CRMP1: variants seen among roughly 807,000 people sequenced by gnomAD.
The protein encoded by CRMP1 is collapsin response mediator protein 1, also known as dihydropyrimidinase-related protein 1.
Under a neutral mutation model 68.3 loss-of-function variants are expected in CRMP1, and 19 were observed. The ratio of observed to expected loss-of-function variants is 0.28; its 90% CI spans 0.19 to 0.41. The LOEUF (loss-of-function observed/expected upper bound fraction) is 0.41, where lower values mean the gene tolerates loss of function less well. CRMP1 is among the 10% of genes least tolerant of loss of function. The probability of loss-of-function intolerance (pLI) is 1.00; values close to 1 mark genes in which losing one functional copy is unlikely to be tolerated. For synonymous variants in CRMP1, 439 were observed against 399.6 expected (o/e 1.10, Z -1.18); for missense variants, 791 against 967.4 (o/e 0.82, Z 2.42).
Position 5,842,187 on chromosome 4 carries a change from A to G in CRMP1, c.1033-759T>C, listed in dbSNP as rs993615501. On this transcript the variant is annotated intron_variant, in intron 7 of 13. Coordinates refer to ENST00000324989, the MANE Select transcript of CRMP1 (RefSeq NM_001014809.3). The surrounding 1 kb of genome is among the most constrained non-coding windows in gnomAD (Gnocchi z 4.5). ...CGGGAGGCAGAGCTTGCAGTGAGCC[A>G]AGATGGCGCCACTTCACTCCAGCCT... 3.9e-5 allele frequency among the ~76,000 whole-genome samples: 6 copies of G among 152,094 alleles called. No individual in the cohort carries two copies. Among genetic ancestry groups the G allele is most frequent in the Middle Eastern group, 3.4e-3 (1 of 294 alleles).
chr4:5,856,795 C>T (rs1241691188), intron 3 of CRMP1, among the ~76,000 whole-genome samples: 1 of 151,452 alleles, frequency 6.6e-6, no homozygotes, highest in African/African-American at 2.4e-5. Flanking sequence ...GCACCATCAT[C>T]ACCACCACCA....
rs578099214 is a variant in CRMP1, at chr4:5,873,681, T to C, written c.382-6925A>G. Reference sequence around the variant, plus strand: ...ACCTCCCTCCAGACCCCACCTCCAATACTGGGCACTACAATTCAACTTGAG... The same window carrying C: ...ACCTCCCTCCAGACCCCACCTCCAACACTGGGCACTACAATTCAACTTGAG... On this transcript the variant is annotated intron_variant, in intron 1 of 13. Transcript: ENST00000324989. 1.9e-3 allele frequency among the ~76,000 whole-genome samples: 292 copies of C among 152,254 alleles called. 2 individuals are homozygous for C. Among genetic ancestry groups the C allele is most frequent in the African/African-American group, 6.7e-3 (280 of 41,546 alleles).
At chr4:5,851,602 G>A (rs899002886) in intron 4 of CRMP1, 133 bp from the exon 5 acceptor site, 13 of 841,632 alleles carry the variant, frequency 1.5e-5, no homozygotes, top group African/African-American at 5.0e-5. Flanking sequence ...CCCCAGTGGG[G>A]CACCTATCCA....
rs1711840425 is a variant in CRMP1, at chr4:5,842,596, T to TCACACACACACACACA, written c.1032+496_1032+497insTGTGTGTGTGTGTGTG. Among the ~76,000 whole-genome samples, 1 of 122,924 alleles carries TCACACACACACACACA rather than the reference T, an allele frequency of 8.1e-6. No individual in the cohort carries two copies. The highest frequency in any genetic ancestry group is 2.0e-4 in the East Asian group (1 of 5,028). 80.6% of individuals were successfully genotyped at this position (122,924 alleles called of 152,430 possible). On this transcript the variant is annotated intron_variant, in intron 7 of 13. Transcript: ENST00000324989. This position sits in a 1 kb window ranked among gnomAD's most constrained non-coding sequence, Gnocchi z 4.5. Reference sequence around the variant, plus strand: ...CACATGCACCCACACTCACACACTCTCTCACACACACACACACACACTCAC... The same window carrying TCACACACACACACACA: ...CACATGCACCCACACTCACACACTCTCACACACACACACACACTCACACACACACACACACACTCAC...
chr4:5,843,232 C>T lies in CRMP1; in HGVS notation c.964-71G>A. 2.6e-6 allele frequency: 4 copies of T among 1,517,154 alleles called. No homozygotes were observed. The highest frequency in any genetic ancestry group is 3.7e-6 in the Non-Finnish European group (4 of 1,092,880). 94.0% of individuals were successfully genotyped at this position (1,517,154 alleles called of 1,614,324 possible). A position where few individuals can be genotyped will look rare whatever the true frequency, so the allele number is the denominator to read the frequency against. The stretch of plus-strand genomic sequence containing the variant: ...CTGGGAGAAGTGACTCCTCCAACCC[C>T]CTGGTTAGACAGAGGGGGCAGCTGG... On this transcript the variant is annotated intron_variant, in intron 6 of 13. Coordinates refer to ENST00000324989, the MANE Select transcript of CRMP1 (RefSeq NM_001014809.3). The surrounding 1 kb of genome is among the most constrained non-coding windows in gnomAD (Gnocchi z 4.1).
chr4:5,862,304 A>G (rs1713633729), intron 2 of CRMP1, among the ~76,000 whole-genome samples: 1 of 147,900 alleles, frequency 6.8e-6, no homozygotes, highest in Non-Finnish European at 1.5e-5. Context: ...TGCTTATAAT[A>G]ACCAATCCCT....
In CRMP1 at chr4:5,861,293, A is replaced by C. The variant is rs146474981; in HGVS notation, c.471-83T>G. ...CAACCCGCAGCTTCAGTTCCATGAA[A>C]TAAACATTTCTGAGCCAGGCCCTTC... On this transcript the variant is annotated intron_variant, in intron 2 of 13. Coordinates refer to ENST00000324989, the MANE Select transcript of CRMP1 (RefSeq NM_001014809.3). The surrounding 1 kb of genome is among the most constrained non-coding windows in gnomAD (Gnocchi z 6.0). 6 of 1,418,172 alleles carry C rather than the reference A, an allele frequency of 4.2e-6. 1 individual carries two copies. The East Asian group carries it at 1.4e-4, about 32-fold the overall frequency. The allele number at this position is 1,418,172 out of a possible 1,614,324, so 87.8% of individuals were successfully genotyped here.
chr4:5,830,559 GC>G (rs1238697408), intron 11 of CRMP1, among the ~76,000 whole-genome samples: 1 of 152,138 alleles, frequency 6.6e-6, no homozygotes. Flanking sequence ...AGCCTCTTGG[GC>G]CAGGTGTTCT....
In CRMP1 at chr4:5,888,555, C is replaced by G. The variant is rs1468299435; in HGVS notation, c.381+4034G>C. ...GGCTGCAGACAGCTCCTCCCGGCGG[C>G]GCGGAGCGAAGCCGGATTCGCCCCT... is the stretch of plus-strand genomic sequence containing the variant. On this transcript the variant is annotated intron_variant, in intron 1 of 13. Coordinates refer to ENST00000324989, the MANE Select transcript of CRMP1 (RefSeq NM_001014809.3). This position sits in a 1 kb window ranked among gnomAD's most constrained non-coding sequence, Gnocchi z 6.4. 8 of 1,136,360 alleles carry G rather than the reference C, an allele frequency of 7.0e-6. No homozygotes were observed. Among genetic ancestry groups the G allele is most frequent in the Non-Finnish European group, 8.6e-6 (8 of 926,862 alleles). The allele number at this position is 1,136,360 out of a possible 1,614,324, so 70.4% of individuals were successfully genotyped here.
chr4:5,822,560 T>G (rs1718824569), intron 13 of CRMP1, among the ~76,000 whole-genome samples: 1 of 152,134 alleles, frequency 6.6e-6, no homozygotes, highest in Non-Finnish European at 1.5e-5. Context: ...CATTCTACTT[T>G]TACCTATTCT....
chr4:5,885,119 C>A (rs1715492334), intron 1 of CRMP1, among the ~76,000 whole-genome samples: 1 of 152,022 alleles, frequency 6.6e-6, no homozygotes, highest in African/African-American at 2.4e-5. Flanking sequence ...CAGAAAAAGG[C>A]CAAGATGGAA....
chr4:5,837,027 G>A (rs1720771614), intron 9 of CRMP1, 121 bp from the exon 10 acceptor site: 2 of 1,153,652 alleles, frequency 1.7e-6, no homozygotes, highest in African/African-American at 1.5e-5. Flanking sequence ...AAGCCAGTGG[G>A]TAAGAGAGAC....
rs1715763707 is a variant in CRMP1 at position 5,888,462 on chromosome 4, G to A, written c.381+4127C>T. 8.3e-7 allele frequency: 1 copy of A among 1,212,040 alleles called. No homozygotes were observed. 75.1% of individuals were successfully genotyped at this position (1,212,040 alleles called of 1,614,324 possible). On this transcript the variant is annotated intron_variant, in intron 1 of 13. Transcript: ENST00000324989. This position sits in a 1 kb window ranked among gnomAD's most constrained non-coding sequence, Gnocchi z 6.4. ...CGGCCCGCCCGCCGCCGCTCCGGCT[G>A]CCAGCACCGCCCGGATCGGCGAGGA...
Position 5,890,062 on chromosome 4 carries a change from T to A in CRMP1, c.381+2527A>T. On this transcript the variant is annotated intron_variant, in intron 1 of 13. Coordinates refer to ENST00000324989, the MANE Select transcript of CRMP1 (RefSeq NM_001014809.3). The surrounding 1 kb of genome is among the most constrained non-coding windows in gnomAD (Gnocchi z 5.5). The stretch of plus-strand genomic sequence containing the variant: ...CAACTCATTTCCCTCCACGCATTCA[T>A]GCATCCCTGGCTCTCAGCGGGGCCT... 1 of 453,602 alleles carries A rather than the reference T, an allele frequency of 2.2e-6. No homozygotes were observed. Among genetic ancestry groups the A allele is most frequent in the Non-Finnish European group, 3.1e-6 (1 of 322,586 alleles). The allele number at this position is 453,602 out of a possible 1,614,324, so 28.1% of individuals were successfully genotyped here.
chr4:5,864,082 G>A (rs1306014695), intron 2 of CRMP1, among the ~76,000 whole-genome samples: 3 of 152,288 alleles, frequency 2.0e-5, no homozygotes, highest in South Asian at 2.1e-4. Flanking sequence ...CTGGTTAGCC[G>A]GAGTCCTAGG....
Position 5,835,903 on chromosome 4 carries a change from G to T in CRMP1, c.1623+12C>A. The stretch of plus-strand genomic sequence containing the variant: ...TCACTTATCTCAGCAGCACAAATAG[G>T]CCAGGACTTACCGACTTGTGACTTT... On this transcript the variant is annotated intron_variant, in intron 11 of 13. Coordinates refer to ENST00000324989, the MANE Select transcript of CRMP1 (RefSeq NM_001014809.3). 2.6e-6 allele frequency: 4 copies of T among 1,517,346 alleles called. No homozygotes were observed. Among genetic ancestry groups the T allele is most frequent in the Non-Finnish European group, 3.5e-6 (4 of 1,132,320 alleles). 94.0% of individuals were successfully genotyped at this position (1,517,346 alleles called of 1,614,324 possible).
At chr4:5,878,531 T>C (rs1434816549) in intron 1 of CRMP1, among the ~76,000 whole-genome samples, 1 of 152,180 alleles carries the variant, frequency 6.6e-6, no homozygotes, top group East Asian at 1.9e-4. Flanking sequence ...ACATTGCCAA[T>C]GCCTCCTGGG....
intron 12 of CRMP1, among the ~76,000 whole-genome samples, chr4:5,827,288 A>G (rs1719789092): frequency 6.6e-6 from 1 of 152,180 alleles, no homozygotes; most frequent in Admixed American, 6.5e-5. Flanking sequence ...AGGGATTTCC[A>G]TGAGTCCCCT....
intron 3 of CRMP1, among the ~76,000 whole-genome samples, chr4:5,857,741 G>A (rs1295403466): frequency 6.6e-6 from 1 of 152,128 alleles, no homozygotes; most frequent in Non-Finnish European, 1.5e-5. Flanking sequence ...CTGTCAGACA[G>A]TCTGAACTCT....
Sources: allele counts gnomAD v4.1 joint callset (sites outside exome capture counted in the v4.1 genomes callset), GRCh38; gene constraint gnomAD v4.1.1; non-coding constraint Gnocchi (gnomAD v3.1); transcripts MANE v1.5; gene names NCBI Gene and HGNC (gene_info 2026-07-23, HGNC 2026-07-21).